Variants in CHERP observed in about 807,000 individuals in gnomAD.
CHERP encodes the protein ERPROT 213-21.
In CHERP, 8 loss-of-function variants were observed where a neutral mutation model predicts 113.8. The observed-to-expected ratio is 0.07, with a 90% confidence interval of 0.04 to 0.13. CHERP has a LOEUF of 0.13. Among genes scored for constraint, CHERP ranks in the 10% least tolerant of loss-of-function variants. The pLI is 1.00. For synonymous variants in CHERP, 559 were observed against 524.5 expected (o/e 1.07, Z -0.90); for missense variants, 884 against 1,298.2 (o/e 0.68, Z 4.90).
At position 16,536,688 on chromosome 19, in the gene CHERP, C is replaced by T. The variant is rs2085743333; in HGVS notation, c.200-1052G>A. ...TTTCTTCTATCTCTTATTTCTCCAA[C>T]TCCTCCCTCTTTACCCGTCCCTCCC... is the stretch of plus-strand genomic sequence containing the variant. On this transcript the variant is annotated intron_variant, in intron 2 of 16. Transcript: ENST00000546361. 1.3e-5 allele frequency among the ~76,000 whole-genome samples: 2 copies of T among 152,340 alleles called. 1 individual carries two copies. Among genetic ancestry groups the T allele is most frequent in the South Asian group, 4.1e-4 (2 of 4,830 alleles).
rs1381576943 is a variant in CHERP at position 16,529,686 on chromosome 19, G to A, written c.1091C>T (p.Pro364Leu). 1.9e-6 allele frequency: 3 copies of A among 1,567,404 alleles called. No homozygotes were observed. The highest frequency in any genetic ancestry group is 1.9e-5 in the Admixed American group (1 of 53,318). ...TPPPPAPPPA[P>L]APAPAIPPTT... Reference sequence around the variant, plus strand: ...GGGCGGGATGGCAGGGGCAGGTGCTGGGGCCGGGGGTGGAGCAGGCGGTGG... The same window carrying A: ...GGGCGGGATGGCAGGGGCAGGTGCTAGGGCCGGGGGTGGAGCAGGCGGTGG... The change falls in exon 8 of 17, where the codon CCA becomes CTA. Residue 364 changes from proline (P) to leucine (L), a missense_variant. Around this residue, in one of 8 missense-constraint regions of CHERP, gnomAD observed 464 missense variants for 590.1 expected, o/e 0.79. Transcript: ENST00000546361.
Position 16,525,833 on chromosome 19 carries a change from C to A in CHERP, c.1306-156G>T, listed in dbSNP as rs2085654375. ...TCCTACGCTGACGCCTGCGAGGATG[C>A]TGGGCACCTGCTCTCAGCCCGCACC... is the stretch of plus-strand genomic sequence containing the variant. On this transcript the variant is annotated intron_variant, in intron 9 of 16. Transcript: ENST00000546361. This position sits in a 1 kb window ranked among gnomAD's most constrained non-coding sequence, Gnocchi z 6.5. 6.6e-6 allele frequency among the ~76,000 whole-genome samples: 1 copy of A among 152,114 alleles called. No homozygotes were observed. The highest frequency in any genetic ancestry group is 2.4e-5 in the African/African-American group (1 of 41,422).
intron 2 of CHERP, among the ~76,000 whole-genome samples, chr19:16,539,097 C>T (rs1314467827): frequency 2.0e-5 from 3 of 152,010 alleles, no homozygotes; most frequent in Non-Finnish European, 4.4e-5. Flanking sequence ...CCCAAGCCAC[C>T]CTCTCCCTTG....
At position 16,520,303 on chromosome 19, in the gene CHERP, G is replaced by T. The variant is rs1568503779; in HGVS notation, c.2346-38C>A. 2 of 1,611,282 alleles carry T rather than the reference G, an allele frequency of 1.2e-6. No homozygotes were observed. The highest frequency in any genetic ancestry group is 2.7e-5 in the African/African-American group (2 of 74,868). On this transcript the variant is annotated intron_variant, in intron 14 of 16. Coordinates refer to ENST00000546361, the MANE Select transcript of CHERP (RefSeq NM_006387.6). The surrounding 1 kb of genome is among the most constrained non-coding windows in gnomAD (Gnocchi z 4.0). The stretch of plus-strand genomic sequence containing the variant: ...GTGCCCAAGGGTCAGCAGCAGCCAG[G>T]CGTCGTGGGGAGGCCACAGGAAGAG...
intron 2 of CHERP, among the ~76,000 whole-genome samples, chr19:16,537,945 G>A (rs995863507): frequency 1.3e-5 from 2 of 152,168 alleles, no homozygotes; most frequent in African/African-American, 4.8e-5. Flanking sequence ...CAACAGGTTA[G>A]AAACTTAAAA....
Position 16,520,971 on chromosome 19 carries a change from A to C in CHERP, c.2115-59T>G. The C allele has an allele frequency of 6.9e-7, 1 of 1,447,632 alleles. No individual in the cohort carries two copies. Among genetic ancestry groups the C allele is most frequent in the Non-Finnish European group, 9.7e-7 (1 of 1,032,028 alleles). The allele number at this position is 1,447,632 out of a possible 1,614,324, so 89.7% of individuals were successfully genotyped here. A position where few individuals can be genotyped will look rare whatever the true frequency, so the allele number is the denominator to read the frequency against. ...GACACCCACCCACAAGGAAGTCGTG[A>C]AAAAGTCATCAGGAGTTAATCCACA... On this transcript the variant is annotated intron_variant, in intron 12 of 16. Transcript: ENST00000546361. This position sits in a 1 kb window ranked among gnomAD's most constrained non-coding sequence, Gnocchi z 4.0.
chr19:16,538,311 G>A (rs1035682211), intron 2 of CHERP, among the ~76,000 whole-genome samples: 3 of 152,088 alleles, frequency 2.0e-5, no homozygotes, highest in Admixed American at 6.6e-5. Context: ...TCCTCTGCCC[G>A]GAACACTTTT....
intron 2 of CHERP, among the ~76,000 whole-genome samples, chr19:16,538,936 C>A (rs1193789433): frequency 6.6e-6 from 1 of 151,876 alleles, no homozygotes; most frequent in African/African-American, 2.4e-5. Flanking sequence ...ACCCCACCTG[C>A]CCCCCATGCT....
chr19:16,521,623 G>T lies in CHERP; in HGVS notation c.2012C>A (p.Pro671His). 1.2e-6 allele frequency: 2 copies of T among 1,607,676 alleles called. No individual in the cohort carries two copies. Among genetic ancestry groups the T allele is most frequent in the Non-Finnish European group, 1.7e-6 (2 of 1,176,922 alleles). Residue 671 changes from proline (P) to histidine (H), a missense_variant, in exon 12 of 17, where the codon CCT becomes CAT. Physicochemically the swap from Pro to His is moderately conservative, Grantham distance 77. This residue lies in a region of CHERP where 464 missense variants were observed against 590.1 expected (regional missense o/e 0.79). Transcript: ENST00000546361. ...LEDHEYKPLD[P>H]KDIRLPPPMP... is the part of the protein sequence containing the mutation. The stretch of plus-strand genomic sequence containing the variant: ...GGGGGGTGGGAGGCGGATGTCTTTA[G>T]GGTCCAAAGGCTTGTACTCGTGATC...
At position 16,521,469 on chromosome 19, in the gene CHERP, CG is replaced by C. The variant is rs1246110953; in HGVS notation, c.2114+51del. ...GACAGAAGGTGTGGTTGCAGGGAGCCGGGAGAGGGGACAGAGGCCTCCCGCC... is the reference window on the plus strand; with the variant it reads ...GACAGAAGGTGTGGTTGCAGGGAGCCGGAGAGGGGACAGAGGCCTCCCGCC... On this transcript the variant is annotated intron_variant, in intron 12 of 16. Coordinates refer to ENST00000546361, the MANE Select transcript of CHERP (RefSeq NM_006387.6). The C allele has an allele frequency of 2.7e-6, 4 of 1,475,380 alleles. No homozygotes were observed. In the East Asian group the frequency reaches 9.8e-5, roughly 36 times the overall value. The allele number at this position is 1,475,380 out of a possible 1,614,324, so 91.4% of individuals were successfully genotyped here. A position where few individuals can be genotyped will look rare whatever the true frequency, so the allele number is the denominator to read the frequency against.
Position 16,520,475 on chromosome 19 carries a change from C to G in CHERP, c.2234G>C (p.Ser745Thr). ...GPSRSRSRSK[S>T]RGRSSSRSNS... ...GGAGCGGGAGGAAGAACGCCCTCGA[C>G]TCTTGGATCTGCTCCGAGACCTCGA... is the stretch of plus-strand genomic sequence containing the variant. The change falls in exon 14 of 17, where the codon AGT becomes ACT. Residue 745 changes from serine (S) to threonine (T), a missense_variant. Around this residue, in one of 8 missense-constraint regions of CHERP, gnomAD observed 159 missense variants for 185.8 expected, o/e 0.86. Coordinates refer to ENST00000546361, the MANE Select transcript of CHERP (RefSeq NM_006387.6). This position sits in a 1 kb window ranked among gnomAD's most constrained non-coding sequence, Gnocchi z 4.0. 6.2e-7 allele frequency: 1 copy of G among 1,614,024 alleles called. No homozygotes were observed. Among genetic ancestry groups the G allele is most frequent in the South Asian group, 1.1e-5 (1 of 91,070 alleles).
At chr19:16,537,336 C>T (rs986927199) in intron 2 of CHERP, among the ~76,000 whole-genome samples, 4 of 151,988 alleles carry the variant, frequency 2.6e-5, no homozygotes, top group African/African-American at 7.3e-5. Flanking sequence ...TGCTGGGGTG[C>T]GCGGCCTGTG....
In CHERP at chr19:16,523,411, G is replaced by C. The variant is rs1156537694; in HGVS notation, c.1742-121C>G. 8.6e-7 allele frequency: 1 copy of C among 1,163,982 alleles called. No individual in the cohort carries two copies. Among genetic ancestry groups the C allele is most frequent in the African/African-American group, 1.6e-5 (1 of 62,380 alleles). The allele number at this position is 1,163,982 out of a possible 1,614,324, so 72.1% of individuals were successfully genotyped here. ...CGAACCCCTCCTGGGAGCCTGTCCA[G>C]CATCTTCTCTCACTGCTTAAGACCA... On this transcript the variant is annotated intron_variant, in intron 10 of 16. Coordinates refer to ENST00000546361, the MANE Select transcript of CHERP (RefSeq NM_006387.6). This position sits in a 1 kb window ranked among gnomAD's most constrained non-coding sequence, Gnocchi z 4.0.
chr19:16,527,424 T>A (rs1256897554), intron 9 of CHERP, among the ~76,000 whole-genome samples: 1 of 152,178 alleles, frequency 6.6e-6, no homozygotes, highest in Non-Finnish European at 1.5e-5. Flanking sequence ...CTTGCCATCC[T>A]TACACCTGTC....
In CHERP at chr19:16,519,033, T is replaced by A. The variant is rs11539314; in HGVS notation, c.*126A>T. 7.9e-3 allele frequency: 6,984 copies of A among 886,234 alleles called. 48 individuals carry two copies. The highest frequency in any genetic ancestry group is 9.3e-3 in the Middle Eastern group (31 of 3,316). The allele number at this position is 886,234 out of a possible 1,614,324, so 54.9% of individuals were successfully genotyped here. On this transcript the variant is annotated 3_prime_UTR_variant, in exon 17 of 17. Coordinates refer to ENST00000546361, the MANE Select transcript of CHERP (RefSeq NM_006387.6). This position sits in a 1 kb window ranked among gnomAD's most constrained non-coding sequence, Gnocchi z 6.0. ...CATGCGCTGGTCTTCCTTCTCTTCC[T>A]GTGGCTCTCCACAAGTGGAGACGGT...
At chr19:16,536,657 T>C (rs147084942) in intron 2 of CHERP, among the ~76,000 whole-genome samples, 2 of 152,320 alleles carry the variant, frequency 1.3e-5, no homozygotes, top group East Asian at 3.9e-4. Context: ...ACACTGCTTA[T>C]TGATATTTCT....
Position 16,529,791 on chromosome 19 carries a change from G to A in CHERP, c.986C>T (p.Ala329Val). 1.9e-6 allele frequency: 3 copies of A among 1,613,332 alleles called. No homozygotes were observed. The highest frequency in any genetic ancestry group is 2.5e-6 in the Non-Finnish European group (3 of 1,179,838). ...CTGTTGCTGCTGCTGCTGCTGCTGG[G>A]CCAGGCTGGTGACAAACTCCTCGTG... The part of the protein sequence containing the change: ...TQHEEFVTSL[A>V]QQQQQQQQQQ... Residue 329 changes from alanine (A) to valine (V), a missense_variant, in exon 8 of 17, where the codon GCC becomes GTC. By Grantham distance (64) the Ala-to-Val change is moderately conservative. Coordinates refer to ENST00000546361, the MANE Select transcript of CHERP (RefSeq NM_006387.6).
At chr19:16,522,935 T>G in intron 11 of CHERP, 117 bp downstream of exon 11, 2 of 1,185,070 alleles carry the variant, frequency 1.7e-6, no homozygotes, top group Non-Finnish European at 1.2e-6. Context: ...CCCTAGGGAG[T>G]GGGAGATGAA....
chr19:16,530,017 G>A lies in CHERP; in HGVS notation c.877-117C>T. On this transcript the variant is annotated intron_variant, in intron 7 of 16. Coordinates refer to ENST00000546361, the MANE Select transcript of CHERP (RefSeq NM_006387.6). This position sits in a 1 kb window ranked among gnomAD's most constrained non-coding sequence, Gnocchi z 4.1. ...CTGGGGGACCTGGGGCAGGTGGACA[G>A]GGAACCGTCACGTGAAACAGCCAAC... 1.5e-6 allele frequency: 2 copies of A among 1,362,420 alleles called. No individual in the cohort carries two copies. The highest frequency in any genetic ancestry group is 2.0e-6 in the Non-Finnish European group (2 of 1,009,166). 84.4% of individuals were successfully genotyped at this position (1,362,420 alleles called of 1,614,324 possible). A position where few individuals can be genotyped will look rare whatever the true frequency, so the allele number is the denominator to read the frequency against.
Sources: allele counts gnomAD v4.1 joint callset (sites outside exome capture counted in the v4.1 genomes callset), GRCh38; gene constraint gnomAD v4.1.1; regional missense constraint gnomAD v4.1.1; non-coding constraint Gnocchi (gnomAD v3.1); transcripts MANE v1.5; gene names NCBI Gene and HGNC (gene_info 2026-07-23, HGNC 2026-07-21).